Variants in MICAL3 observed in about 807,000 individuals in gnomAD.
MICAL3 encodes [F-actin]-monooxygenase MICAL3.
In MICAL3, 62 loss-of-function variants were observed where a neutral mutation model predicts 207.4. The observed-to-expected ratio is 0.30, with a 90% CI of 0.24 to 0.37. MICAL3 has a LOEUF of 0.37. Among genes scored for constraint, MICAL3 ranks in the 10% least tolerant of loss-of-function variants. The pLI, the probability that MICAL3 is intolerant of heterozygous loss-of-function variation, is 1.00. For synonymous variants in MICAL3, 1,077 were observed against 1,069.3 expected (o/e 1.01, Z -0.14); for missense variants, 2,368 against 2,635.6 (o/e 0.90, Z 2.22).
chr22:17,931,055 C>A (rs183128051), intron 1 of MICAL3, among the ~76,000 whole-genome samples: 1 of 152,334 alleles, frequency 6.6e-6, no homozygotes, highest in African/African-American at 2.4e-5. Context: ...CGGGCCTGTC[C>A]AACCACACCA....
intron 16 of MICAL3, among the ~76,000 whole-genome samples, chr22:17,880,868 G>A (rs1929350222): frequency 6.6e-6 from 1 of 152,218 alleles, no homozygotes; most frequent in African/African-American, 2.4e-5. Context: ...AGAGAAAAGG[G>A]CTGCCTTCAG....
chr22:17,988,168 C>A (rs952778649), intron 1 of MICAL3, among the ~76,000 whole-genome samples: 2 of 152,206 alleles, frequency 1.3e-5, no homozygotes, highest in Non-Finnish European at 2.9e-5. Context: ...ATACTCCTGG[C>A]ACTTGGAAAA....
Position 17,817,368 on chromosome 22 carries a change from A to AG in MICAL3, c.5292dup (p.Ser1765LeufsTer42). The AG allele has an allele frequency of 6.2e-7, 1 of 1,611,958 alleles. No homozygotes were observed. The highest frequency in any genetic ancestry group is 8.5e-7 in the Non-Finnish European group (1 of 1,179,446). ...CCAGAGTCCACCGTGGCCCCGCTGGAGGGGGTGCTGGGGCAGGACTTGTCG... is the reference window on the plus strand; with the variant it reads ...CCAGAGTCCACCGTGGCCCCGCTGGAGGGGGGTGCTGGGGCAGGACTTGTCG... On this transcript the variant is annotated frameshift_variant, in exon 26 of 32. Coordinates refer to ENST00000441493, the MANE Select transcript of MICAL3 (RefSeq NM_015241.3). LOFTEE classifies it high-confidence loss of function.
At chr22:17,801,192 G>T (rs1409308350) in intron 29 of MICAL3, among the ~76,000 whole-genome samples, 1 of 43,802 alleles carries the variant, frequency 2.3e-5, no homozygotes, top group South Asian at 7.0e-4. Context: ...TCGCTCTGTC[G>T]CCCAGGCTGG....
At chr22:17,899,252 C>G (rs549075720) in intron 7 of MICAL3, 196 bp downstream of exon 7, 1 of 662,528 alleles carries the variant, frequency 1.5e-6, no homozygotes, top group Admixed American at 2.1e-5. Flanking sequence ...TATTCTCCCC[C>G]CGTTTTTATT....
chr22:17,917,083 AT>A (rs1932572085), intron 1 of MICAL3, among the ~76,000 whole-genome samples: 1 of 152,150 alleles, frequency 6.6e-6, no homozygotes, highest in Non-Finnish European at 1.5e-5. Context: ...TATTGACTTC[AT>A]GACCCACGGA....
chr22:18,002,419 G>C (rs952328230), intron 1 of MICAL3, among the ~76,000 whole-genome samples: 9 of 152,002 alleles, frequency 5.9e-5, no homozygotes, highest in Non-Finnish European at 2.9e-5. Context: ...CAGATCACAA[G>C]GTCAGGAGCT....
intron 25 of MICAL3, 120 bp from the exon 26 acceptor site, chr22:17,819,249 C>G: frequency 9.5e-7 from 1 of 1,052,652 alleles, no homozygotes; most frequent in Non-Finnish European, 1.3e-6. Flanking sequence ...ACTTCCCCGT[C>G]CTTCCAGCTG....
chr22:17,924,546 A>G (rs756574968), intron 1 of MICAL3, among the ~76,000 whole-genome samples: 11 of 152,172 alleles, frequency 7.2e-5, no homozygotes, highest in African/African-American at 1.9e-4. Context: ...GAAACACTCA[A>G]TGGAGCATTT....
chr22:17,876,302 C>G (rs1299788489), intron 16 of MICAL3: 1 of 152,256 alleles, frequency 6.6e-6, no homozygotes, highest in African/African-American at 2.4e-5. Context: ...CATTTCCCAC[C>G]AGGTTCAGAA....
chr22:17,834,314 TGA>T, intron 20 of MICAL3: 1 of 1,170,964 alleles, frequency 8.5e-7, no homozygotes, highest in Non-Finnish European at 1.1e-6. Context: ...CTCAGGGTAG[TGA>T]ATCAGCTTCA....
At chr22:17,865,345 A>C (rs977435085) in intron 18 of MICAL3, among the ~76,000 whole-genome samples, 4 of 152,230 alleles carry the variant, frequency 2.6e-5, no homozygotes, top group African/African-American at 4.8e-5. Context: ...CGTGCTGACA[A>C]GGTGGCAACC....
intron 1 of MICAL3, among the ~76,000 whole-genome samples, chr22:17,998,166 T>TG (rs1181552029): frequency 6.6e-5 from 10 of 152,168 alleles, no homozygotes; most frequent in Non-Finnish European, 1.5e-4. Context: ...TAGCAGGGCG[T>TG]GGTGGCAGGT....
chr22:17,923,831 C>T (rs181531231), intron 1 of MICAL3, among the ~76,000 whole-genome samples: 1 of 152,340 alleles, frequency 6.6e-6, no homozygotes, highest in East Asian at 1.9e-4. Flanking sequence ...GGGAAGCCAT[C>T]TGTGTTAGTC....
intron 1 of MICAL3, among the ~76,000 whole-genome samples, chr22:17,941,511 C>T (rs1023283209): frequency 6.6e-6 from 1 of 152,130 alleles, no homozygotes; most frequent in Non-Finnish European, 1.5e-5. Flanking sequence ...CCTGCAAAGA[C>T]GGAAGTCAAA....
intron 1 of MICAL3, among the ~76,000 whole-genome samples, chr22:17,929,554 T>C (rs1353879832): frequency 1.5e-5 from 2 of 133,680 alleles, no homozygotes; most frequent in African/African-American, 5.6e-5. Context: ...TTTTTCTTTC[T>C]TTCCTTTTCT....
rs1314937732 is a variant in MICAL3, at chr22:17,816,773, G to A, written c.5362C>T (p.Arg1788Trp). The change falls in exon 27 of 32, where the codon CGG becomes TGG. Residue 1788 changes from arginine to tryptophan, a missense_variant. Arg to Trp is a moderately radical substitution (Grantham distance 101). This residue lies in a region of MICAL3 where 1,770 missense variants were observed against 1,863.2 expected (regional missense o/e 0.95). Transcript: ENST00000441493. ...TCCTCGGAGAAGCTCAGCTGGCGCC[G>A]GAGCTGCAGCTCTGTGGAGAGAGGG... Reference protein sequence around the residue: ...LPVVRAELQLRRQLSFSEDSD... With the variant: ...LPVVRAELQLWRQLSFSEDSD... The A allele has an allele frequency of 1.2e-5, 19 of 1,550,142 alleles. No homozygotes were observed. Among genetic ancestry groups the A allele is most frequent in the African/African-American group, 4.1e-5 (3 of 73,078 alleles).
intron 17 of MICAL3, among the ~76,000 whole-genome samples, chr22:17,870,191 C>T (rs544192549): frequency 4.8e-4 from 73 of 152,290 alleles, no homozygotes; most frequent in African/African-American, 1.7e-3. Flanking sequence ...AGGCTGGCCT[C>T]ATCCTGTCTC....
intron 29 of MICAL3, among the ~76,000 whole-genome samples, chr22:17,805,879 C>T (rs1362351065): frequency 6.6e-6 from 1 of 152,206 alleles, no homozygotes; most frequent in Non-Finnish European, 1.5e-5. Context: ...CAGGCATGTA[C>T]CACCATGCCA....
Sources: allele counts gnomAD v4.1 joint callset (sites outside exome capture counted in the v4.1 genomes callset), GRCh38; gene constraint gnomAD v4.1.1; regional missense constraint gnomAD v4.1.1; transcripts MANE v1.5; gene names NCBI Gene and HGNC (gene_info 2026-07-23, HGNC 2026-07-21).